Variants in KIAA1549L observed in about 807,000 individuals in gnomAD.
The protein encoded by KIAA1549L is UPF0606 protein KIAA1549L.
In KIAA1549L, 88 loss-of-function variants were observed where a neutral mutation model predicts 160.7. That is an observed-to-expected ratio of 0.55 (90% CI 0.46 to 0.65). The LOEUF (loss-of-function observed/expected upper bound fraction) is 0.65, where lower values mean the gene tolerates loss of function less well. Among genes scored for constraint, KIAA1549L ranks in the 30% least tolerant of loss-of-function variants. The pLI is 0.00. For synonymous variants in KIAA1549L, 950 were observed against 976.7 expected (o/e 0.97, Z 0.51); for missense variants, 2,258 against 2,437.5 (o/e 0.93, Z 1.55).
intron 1 of KIAA1549L, among the ~76,000 whole-genome samples, chr11:33,461,088 T>C (rs1217495524): frequency 6.6e-6 from 1 of 152,248 alleles, no homozygotes; most frequent in East Asian, 1.9e-4. Flanking sequence ...GGTTTATATA[T>C]ATGTAATTCT....
chr11:33,421,208 G>T (rs1851003277), intron 1 of KIAA1549L, among the ~76,000 whole-genome samples: 1 of 126,850 alleles, frequency 7.9e-6, no homozygotes, highest in Admixed American at 1.0e-4. Context: ...TTGCACTGAT[G>T]CAAGTATTGA....
At chr11:33,465,287 C>A (rs1852032139) in intron 1 of KIAA1549L, among the ~76,000 whole-genome samples, 1 of 152,056 alleles carries the variant, frequency 6.6e-6, no homozygotes, top group African/African-American at 2.4e-5. Flanking sequence ...CTCCTGATCT[C>A]AAGTGATCCA....
chr11:33,589,625 G>T (rs1356998083), intron 11 of KIAA1549L, among the ~76,000 whole-genome samples: 1 of 152,080 alleles, frequency 6.6e-6, no homozygotes, highest in Non-Finnish European at 1.5e-5. Flanking sequence ...CATGGATGAA[G>T]CTGGAAACCA....
chr11:33,562,819 C>T (rs184270380), intron 8 of KIAA1549L, among the ~76,000 whole-genome samples: 4 of 151,800 alleles, frequency 2.6e-5, no homozygotes, highest in Non-Finnish European at 5.9e-5. Context: ...GCTGGGATTA[C>T]AGGCACACAC....
chr11:33,446,948 C>G (rs1851624170), intron 1 of KIAA1549L, among the ~76,000 whole-genome samples: 1 of 152,180 alleles, frequency 6.6e-6, no homozygotes, highest in South Asian at 2.1e-4. Flanking sequence ...GGACTCTACA[C>G]AAGCATTGGT....
At chr11:33,421,214 A>G in intron 1 of KIAA1549L, among the ~76,000 whole-genome samples, 1 of 114,448 alleles carries the variant, frequency 8.7e-6, no homozygotes. Flanking sequence ...TGATGCAAGT[A>G]TTGACTCAGA....
At chr11:33,606,953 G>A in intron 14 of KIAA1549L, 131 bp downstream of exon 14, 1 of 685,978 alleles carries the variant, frequency 1.5e-6, no homozygotes, top group Non-Finnish European at 2.4e-6. Flanking sequence ...ACCTCTGCAT[G>A]TACCAGGCCT....
At chr11:33,413,832 C>T (rs1850832742) in intron 1 of KIAA1549L, among the ~76,000 whole-genome samples, 2 of 152,262 alleles carry the variant, frequency 1.3e-5, no homozygotes, top group African/African-American at 2.4e-5. Context: ...GTGCTGCATC[C>T]GTCTCTGCAT....
chr11:33,628,799 T>C (rs1590413776), intron 16 of KIAA1549L, among the ~76,000 whole-genome samples: 1 of 151,920 alleles, frequency 6.6e-6, no homozygotes, highest in Non-Finnish European at 1.5e-5. Flanking sequence ...AAAGTTAATA[T>C]TGTTATGTGT....
chr11:33,617,502 A>G (rs1321910616), intron 15 of KIAA1549L, among the ~76,000 whole-genome samples: 1 of 152,220 alleles, frequency 6.6e-6, no homozygotes, highest in Non-Finnish European at 1.5e-5. Context: ...CTCTGTGCCC[A>G]GATCAATGTG....
At chr11:33,391,145 G>A (rs775199147) in intron 1 of KIAA1549L, among the ~76,000 whole-genome samples, 9 of 152,214 alleles carry the variant, frequency 5.9e-5, no homozygotes, top group Non-Finnish European at 1.2e-4. Flanking sequence ...GTACAACCTA[G>A]TAGGCACTCA....
chr11:33,556,881 C>T (rs1854666700), intron 6 of KIAA1549L, among the ~76,000 whole-genome samples: 1 of 152,074 alleles, frequency 6.6e-6, no homozygotes, highest in South Asian at 2.1e-4. Flanking sequence ...TGTGTTTTAC[C>T]ACAATAAAAA....
rs74952081 is a variant in KIAA1549L at position 33,585,184 on chromosome 11, T to C, written c.4566+1683T>C. 5.0e-3 allele frequency among the ~76,000 whole-genome samples: 759 copies of C among 152,242 alleles called. 11 individuals carry two copies. The highest frequency in any genetic ancestry group is 0.018 in the African/African-American group (728 of 41,540). ...GCAGGATGTTGGTAATAAGTGTACA[T>C]TGGGAATTGCCCAAGCAGTGAAAGG... is the stretch of plus-strand genomic sequence containing the variant. On this transcript the variant is annotated intron_variant, in intron 11 of 20. Transcript: ENST00000658780.
At chr11:33,433,823 C>A (rs1851301059) in intron 1 of KIAA1549L, among the ~76,000 whole-genome samples, 1 of 152,122 alleles carries the variant, frequency 6.6e-6, no homozygotes, top group African/African-American at 2.4e-5. Flanking sequence ...TCATCCTCAG[C>A]AAACTAACAC....
chr11:33,443,287 A>C (rs1208993741), intron 1 of KIAA1549L, among the ~76,000 whole-genome samples: 1 of 150,710 alleles, frequency 6.6e-6, no homozygotes, highest in Non-Finnish European at 1.5e-5. Flanking sequence ...GGCATGAGCC[A>C]CCATGCTTGG....
At chr11:33,584,810 C>T (rs1179564238) in intron 11 of KIAA1549L, among the ~76,000 whole-genome samples, 1 of 152,182 alleles carries the variant, frequency 6.6e-6, no homozygotes. Context: ...CATTATACAC[C>T]TACCTGAACC....
intron 1 of KIAA1549L, among the ~76,000 whole-genome samples, chr11:33,443,848 G>A (rs969845436): frequency 6.6e-6 from 1 of 152,122 alleles, no homozygotes; most frequent in Non-Finnish European, 1.5e-5. Flanking sequence ...GAGAAAAAGT[G>A]GTTTATGATA....
chr11:33,412,421 T>TAAATACTTGCCATA (rs1850802949), intron 1 of KIAA1549L, among the ~76,000 whole-genome samples: 2 of 152,266 alleles, frequency 1.3e-5, no homozygotes, highest in Non-Finnish European at 2.9e-5. Context: ...TAAATCTTGC[T>TAAATACTTGCCATA]AATAGAGGCA....
chr11:33,663,486 T>G (rs960600068), intron 20 of KIAA1549L, among the ~76,000 whole-genome samples: 5 of 152,186 alleles, frequency 3.3e-5, no homozygotes, highest in African/African-American at 7.2e-5. Flanking sequence ...TGCTGAATAT[T>G]GCCCTGAGGA....
Sources: allele counts gnomAD v4.1 joint callset (sites outside exome capture counted in the v4.1 genomes callset), GRCh38; gene constraint gnomAD v4.1.1; transcripts MANE v1.5; gene names NCBI Gene and HGNC (gene_info 2026-07-23, HGNC 2026-07-21).